The following PDE9A variants were observed in gnomAD, a reference collection of about 807,000 sequenced individuals.
PDE9A encodes the protein high affinity cGMP-specific 3',5'-cyclic phosphodiesterase 9A.
PDE9A carries 60 observed loss-of-function variants against 87.4 expected under a neutral mutation model. That is an observed-to-expected ratio of 0.69 (90% CI 0.56 to 0.85). PDE9A has a LOEUF of 0.85. Among genes scored for constraint, PDE9A ranks in the 40% least tolerant of loss-of-function variants. The pLI is 0.00. For missense variants in PDE9A, 665 were observed against 779.0 expected, an observed-to-expected ratio of 0.85 and a Z score of 1.74; for synonymous variants, 272 against 279.4, an observed-to-expected ratio of 0.97 and a Z score of 0.27.
At chr21:42,661,756 T>C (rs1205120873) in intron 1 of PDE9A, among the ~76,000 whole-genome samples, 22 of 152,220 alleles carry the variant, frequency 1.4e-4, no homozygotes, top group Non-Finnish European at 4.4e-5. Flanking sequence ...CTGAAAAACT[T>C]TGTGAGTTCC....
In PDE9A at chr21:42,729,831, A is replaced by C. The variant is rs535417550; in HGVS notation, c.263-1939A>C. ...TTTGTCTGCTATCTTTCTGTTATTG[A>C]TTTCTACTTTGATCCTCGTGTGGTC... On this transcript the variant is annotated intron_variant, in intron 4 of 19. Transcript: ENST00000291539. Among the ~76,000 whole-genome samples the C allele has an allele frequency of 3.9e-5, 6 of 152,122 alleles. No individual in the cohort carries two copies. In the South Asian group the frequency reaches 1.2e-3, roughly 32 times the overall value.
At chr21:42,772,207 G>A (rs547194228) in intron 18 of PDE9A, among the ~76,000 whole-genome samples, 2 of 152,366 alleles carry the variant, frequency 1.3e-5, no homozygotes, top group Non-Finnish European at 1.5e-5. Flanking sequence ...GGTGGCTGCA[G>A]CTGGGTGAGC....
intron 5 of PDE9A, 36 bp downstream of exon 5, chr21:42,731,985 C>T (rs201349052): frequency 4.5e-5 from 73 of 1,612,052 alleles, no homozygotes; most frequent in East Asian, 1.1e-4. Flanking sequence ...CCTCCACCCC[C>T]CAACACGTGG....
intron 3 of PDE9A, among the ~76,000 whole-genome samples, chr21:42,697,842 T>C (rs1464803862): frequency 6.6e-6 from 1 of 152,184 alleles, no homozygotes; most frequent in Non-Finnish European, 1.5e-5. Context: ...GAGGGCTTCA[T>C]TATATGAATT....
At chr21:42,656,331 C>G (rs1171935615) in intron 1 of PDE9A, among the ~76,000 whole-genome samples, 1 of 152,254 alleles carries the variant, frequency 6.6e-6, no homozygotes, top group Non-Finnish European at 1.5e-5. Context: ...TATCTCTGCT[C>G]TTTGTCCCTC....
chr21:42,726,593 CATAT>C lies in PDE9A; in HGVS notation c.263-5148_263-5145del, dbSNP rs898602288. Among the ~76,000 whole-genome samples the C allele has an allele frequency of 1.5e-3, 57 of 38,204 alleles. 1 individual carries two copies. The highest frequency in any genetic ancestry group is 2.7e-3 in the East Asian group (3 of 1,114). 25.1% of individuals were successfully genotyped at this position (38,204 alleles called of 152,430 possible). A position where few individuals can be genotyped will look rare whatever the true frequency, so the allele number is the denominator to read the frequency against. ...ATTACTGAATGCCACCACGCCTGGC[CATAT>C]ATATATATATATATATATATATATA... On this transcript the variant is annotated intron_variant, in intron 4 of 19. Coordinates refer to ENST00000291539, the MANE Select transcript of PDE9A (RefSeq NM_002606.3).
chr21:42,760,204 C>T lies in PDE9A; in HGVS notation c.898-124C>T, dbSNP rs1413194767. 5 of 659,854 alleles carry T rather than the reference C, an allele frequency of 7.6e-6. No individual in the cohort carries two copies. The highest frequency in any genetic ancestry group is 5.0e-5 in the South Asian group (3 of 59,590). 40.9% of individuals were successfully genotyped at this position (659,854 alleles called of 1,614,324 possible). A position where few individuals can be genotyped will look rare whatever the true frequency, so the allele number is the denominator to read the frequency against. On this transcript the variant is annotated intron_variant, in intron 11 of 19. Coordinates refer to ENST00000291539, the MANE Select transcript of PDE9A (RefSeq NM_002606.3). The surrounding 1 kb of genome is among the most constrained non-coding windows in gnomAD (Gnocchi z 5.2). The stretch of plus-strand genomic sequence containing the variant: ...TGTGGTAAACCTGGAACACTGTTGA[C>T]CTCTGGTTGGGATGAGGGTTTGGCA...
chr21:42,656,139 C>G (rs758581981), intron 1 of PDE9A, among the ~76,000 whole-genome samples: 8 of 152,188 alleles, frequency 5.3e-5, no homozygotes, highest in Admixed American at 2.0e-4. Context: ...GAATCTGTCT[C>G]CCTGCCATCC....
chr21:42,663,676 G>A (rs868336057), intron 1 of PDE9A, among the ~76,000 whole-genome samples: 1 of 152,186 alleles, frequency 6.6e-6, no homozygotes, highest in Non-Finnish European at 1.5e-5. Context: ...GCCGTCACTT[G>A]CAGCAGTATG....
chr21:42,664,331 G>A (rs1031286662), intron 1 of PDE9A, among the ~76,000 whole-genome samples: 20 of 152,242 alleles, frequency 1.3e-4, no homozygotes, highest in Admixed American at 9.8e-4. Context: ...GCACAGGGAC[G>A]TGCCACCTGC....
At chr21:42,687,753 A>G (rs2059555130) in intron 2 of PDE9A, among the ~76,000 whole-genome samples, 164 bp from the exon 3 acceptor site, 1 of 152,184 alleles carries the variant, frequency 6.6e-6, no homozygotes, top group Non-Finnish European at 1.5e-5. Context: ...CGGAGTCTCA[A>G]TGCCCTGGGG....
chr21:42,687,896 G>A (rs1444736145), intron 2 of PDE9A, 21 bp from the exon 3 acceptor site: 4 of 1,609,080 alleles, frequency 2.5e-6, no homozygotes, highest in Non-Finnish European at 3.4e-6. Context: ...GCGAAAACAC[G>A]GGCTTGGGTG....
intron 8 of PDE9A, among the ~76,000 whole-genome samples, chr21:42,746,333 T>C (rs1036873199): frequency 1.3e-5 from 2 of 152,136 alleles, no homozygotes; most frequent in Non-Finnish European, 2.9e-5. Flanking sequence ...ACAATAGAAA[T>C]GTATTCCCAC....
chr21:42,768,238 A>C lies in PDE9A; in HGVS notation c.1407A>C (p.Pro469=). 1 of 1,611,788 alleles carries C rather than the reference A, an allele frequency of 6.2e-7. No individual in the cohort carries two copies. Among genetic ancestry groups the C allele is most frequent in the Non-Finnish European group, 8.5e-7 (1 of 1,177,752 alleles). ...KCCDISNEVR[P]MEVAEPWVDC... The stretch of plus-strand genomic sequence containing the variant: ...GTGATATCTCTAACGAGGTCCGTCC[A>C]ATGGAAGTCGCAGAGCCTTGGGTGG... Residue 469 remains proline (P), a synonymous_variant, in exon 16 of 20, where the codon CCA becomes CCC. Transcript: ENST00000291539.
chr21:42,711,237 G>C (rs1336730735), intron 4 of PDE9A, among the ~76,000 whole-genome samples: 4 of 149,670 alleles, frequency 2.7e-5, no homozygotes, highest in African/African-American at 9.8e-5. Flanking sequence ...AGTACTTCTT[G>C]TGTCTTCTCT....
At chr21:42,657,136 G>C (rs536623340) in intron 1 of PDE9A, among the ~76,000 whole-genome samples, 42 of 152,156 alleles carry the variant, frequency 2.8e-4, no homozygotes, top group Non-Finnish European at 5.7e-4. Flanking sequence ...TGGGCTTTGT[G>C]GGGAAGGAGC....
intron 7 of PDE9A, among the ~76,000 whole-genome samples, chr21:42,734,835 A>G (rs989791211): frequency 6.6e-6 from 1 of 152,214 alleles, no homozygotes; most frequent in African/African-American, 2.4e-5. Flanking sequence ...AAGTTCACTC[A>G]GCAAATTAGA....
chr21:42,771,274 C>G (rs558250971), intron 18 of PDE9A, among the ~76,000 whole-genome samples: 1 of 152,350 alleles, frequency 6.6e-6, no homozygotes, highest in East Asian at 1.9e-4. Context: ...ACACCGGCAC[C>G]TCTCAGGGGC....
At chr21:42,655,189 T>G (rs1569085161) in intron 1 of PDE9A, among the ~76,000 whole-genome samples, 1 of 152,040 alleles carries the variant, frequency 6.6e-6, no homozygotes, top group East Asian at 1.9e-4. Flanking sequence ...CACGTGCACA[T>G]GAGCACACAG....
Sources: gnomAD v4.1 joint callset for allele counts (sites outside exome capture counted in the v4.1 genomes callset) on GRCh38, gnomAD v4.1.1 for gene constraint, Gnocchi (gnomAD v3.1) non-coding constraint, MANE v1.5 for transcripts, NCBI Gene and HGNC (gene_info 2026-07-23, HGNC 2026-07-21) for gene names.